The following FAM47E variants were observed in gnomAD, a reference collection of about 807,000 sequenced individuals.
FAM47E encodes the protein protein FAM47E.
In FAM47E, 32 loss-of-function variants were observed where a neutral mutation model predicts 41.6. The ratio of observed to expected loss-of-function variants is 0.77; its 90% CI spans 0.58 to 1.03. The LOEUF is 1.03. Ranked by LOEUF, FAM47E falls within the 50% of genes least tolerant of loss-of-function variation. FAM47E has a pLI of 0.00. For synonymous variants in FAM47E, 184 were observed against 188.7 expected (o/e 0.98, Z 0.20); for missense variants, 424 against 485.4 (o/e 0.87, Z 1.19).
Position 76,278,146 on chromosome 4 carries a change from A to C in FAM47E, c.948A>C (p.Arg316Ser). ...YLNPKLWKKQ[R>S]VDEPLVDPEV... ...ACCCCAAGTTGTGGAAAAAGCAAAG[A>C]GTAGACGAGCCTCTGGTTGACCCTG... Residue 316 changes from arginine to serine, a missense_variant, in exon 6 of 8, where the codon AGA becomes AGC. Transcript: ENST00000424749. The C allele has an allele frequency of 6.4e-7, 1 of 1,551,016 alleles. No individual in the cohort carries two copies. Among genetic ancestry groups the C allele is most frequent in the Non-Finnish European group, 8.7e-7 (1 of 1,146,848 alleles).
Position 76,268,917 on chromosome 4 carries a change from G to A in FAM47E, c.669+149G>A, listed in dbSNP as rs959362199. 73 of 928,522 alleles carry A rather than the reference G, an allele frequency of 7.9e-5. No homozygotes were observed. The Middle Eastern group carries it at 2.2e-3, about 28-fold the overall frequency. The allele number at this position is 928,522 out of a possible 1,614,324, so 57.5% of individuals were successfully genotyped here. A position where few individuals can be genotyped will look rare whatever the true frequency, so the allele number is the denominator to read the frequency against. On this transcript the variant is annotated intron_variant, in intron 4 of 7. Coordinates refer to ENST00000424749, the MANE Select transcript of FAM47E (RefSeq NM_001136570.3). ...AAATCTAAGTCAAATCCTCAAAGTC[G>A]TAAAGGAATCATTTTCTTCTATTAT...
intron 1 of FAM47E, chr4:76,217,482 C>T (rs193290840): frequency 1.2e-4 from 49 of 407,522 alleles, no homozygotes; most frequent in Non-Finnish European, 1.9e-4. Context: ...TGTCAGAGAG[C>T]GGGTTGTTGA....
At chr4:76,255,273 T>A (rs1248974532) in intron 1 of FAM47E, among the ~76,000 whole-genome samples, 1 of 152,220 alleles carries the variant, frequency 6.6e-6, no homozygotes, top group Non-Finnish European at 1.5e-5. Context: ...TTTTTTAACT[T>A]CTTTGTGCTC....
chr4:76,219,544 T>C (rs1301814396), intron 2 of FAM47E, among the ~76,000 whole-genome samples: 2 of 152,218 alleles, frequency 1.3e-5, no homozygotes, highest in East Asian at 3.9e-4. Context: ...ACAGTTATTC[T>C]TTAATGATGT....
intron 2 of FAM47E, chr4:76,217,756 A>G (rs1337766440): frequency 2.0e-6 from 1 of 490,200 alleles, no homozygotes; most frequent in Non-Finnish European, 3.7e-6. Flanking sequence ...GCAAGGAGAT[A>G]CGGTGATCTC....
In FAM47E at chr4:76,251,834, G is replaced by C; in HGVS notation, c.74+14G>C. ...CTGCAGGTCCAGGTAAACACTCAGC[G>C]CCCGGGCCGAGGGCGCATCCCACGC... On this transcript the variant is annotated intron_variant, in intron 1 of 7. Transcript: ENST00000424749. The C allele has an allele frequency of 7.0e-7, 1 of 1,433,460 alleles. No homozygotes were observed. Among genetic ancestry groups the C allele is most frequent in the South Asian group, 1.4e-5 (1 of 71,680 alleles). 88.8% of individuals were successfully genotyped at this position (1,433,460 alleles called of 1,614,324 possible).
At chr4:76,274,455 C>T (rs925349920) in intron 5 of FAM47E, among the ~76,000 whole-genome samples, 6 of 152,118 alleles carry the variant, frequency 3.9e-5, no homozygotes, top group African/African-American at 1.4e-4. Flanking sequence ...GTGGCATGTA[C>T]CTGTAGTCCC....
intron 6 of FAM47E, chr4:76,279,285 T>C (rs1045821980): frequency 6.6e-6 from 1 of 152,222 alleles, no homozygotes; most frequent in African/African-American, 2.4e-5. Context: ...GGTAACATCA[T>C]TTTTTCTCAA....
intron 2 of FAM47E, among the ~76,000 whole-genome samples, chr4:76,221,443 C>T (rs914511812): frequency 7.9e-5 from 12 of 152,064 alleles, no homozygotes; most frequent in South Asian, 2.1e-4. Flanking sequence ...CTCAGCCTCC[C>T]GAGTAGCTGG....
chr4:76,275,883 C>G (rs1399898561), intron 5 of FAM47E, among the ~76,000 whole-genome samples: 2 of 152,136 alleles, frequency 1.3e-5, no homozygotes, highest in South Asian at 2.1e-4. Context: ...CAATTTGCCC[C>G]CCTTCCTCCA....
chr4:76,268,798 G>A, intron 4 of FAM47E, 30 bp downstream of exon 4: 2 of 1,550,320 alleles, frequency 1.3e-6, no homozygotes, highest in Non-Finnish European at 1.7e-6. Flanking sequence ...ACTTCTGCAA[G>A]TGGGTTACTA....
In FAM47E at chr4:76,283,379, A is replaced by G. The variant is rs78752268; in HGVS notation, c.1105-2A>G. 1,134 of 1,528,710 alleles carry G rather than the reference A, an allele frequency of 7.4e-4. 9 individuals are homozygous for G. The African/African-American group carries it at 0.014, about 19-fold the overall frequency. The allele number at this position is 1,528,710 out of a possible 1,614,324, so 94.7% of individuals were successfully genotyped here. On this transcript the variant is annotated splice_acceptor_variant, in intron 7 of 7. Transcript: ENST00000424749. LOFTEE classifies it high-confidence loss of function. ...AATGAAGGTTCTCTCATTTTTTTTT[A>G]GTTCCTTGAGAATATGTATATCGGG...
exon 1 of FAM47E, chr4:76,214,043 G>A (rs1733146508): frequency 3.1e-6 from 1 of 323,236 alleles, no homozygotes; most frequent in African/African-American, 2.3e-5. Context: ...CGCTCCCAGC[G>A]CCCTGCACCG....
At chr4:76,214,406 T>C (rs1733159971) in exon 1 of FAM47E, 1 of 423,218 alleles carries the variant, frequency 2.4e-6, no homozygotes, top group African/African-American at 2.1e-5. Context: ...GGAGGAGGCA[T>C]TTCACGGAGA....
At chr4:76,269,033 A>G (rs1734768839) in intron 4 of FAM47E, 1 of 422,362 alleles carries the variant, frequency 2.4e-6, no homozygotes, top group East Asian at 3.9e-5. Context: ...ATCTCACATC[A>G]TTGCAGCTGT....
intron 1 of FAM47E, among the ~76,000 whole-genome samples, chr4:76,253,445 T>G (rs1734056387): frequency 6.6e-6 from 1 of 152,218 alleles, no homozygotes; most frequent in Admixed American, 6.5e-5. Context: ...TATCATGTAC[T>G]AGTGTCTGTG....
rs1365216418 is a variant in FAM47E, at chr4:76,256,158, A to G, written c.75-20A>G. ...GGCATGTGGTATTCTAGGTACAAAG[A>G]GAATCTATCTACCTTCCAGATGTTT... On this transcript the variant is annotated intron_variant, in intron 1 of 7. Coordinates refer to ENST00000424749, the MANE Select transcript of FAM47E (RefSeq NM_001136570.3). 6.5e-6 allele frequency: 10 copies of G among 1,544,838 alleles called. No homozygotes were observed. The highest frequency in any genetic ancestry group is 8.8e-6 in the Non-Finnish European group (10 of 1,142,518).
intron 5 of FAM47E, among the ~76,000 whole-genome samples, chr4:76,273,247 T>C (rs1406369132): frequency 3.9e-5 from 6 of 152,230 alleles, no homozygotes; most frequent in Admixed American, 3.3e-4. Flanking sequence ...TTCATCATGC[T>C]ACTGAGAATG....
chr4:76,225,918 A>T (rs1412630784), intron 2 of FAM47E, among the ~76,000 whole-genome samples: 1 of 152,154 alleles, frequency 6.6e-6, no homozygotes, highest in Non-Finnish European at 1.5e-5. Flanking sequence ...TGATTTAGGG[A>T]GGATTTCCTC....
Sources: gnomAD v4.1 joint callset for allele counts (sites outside exome capture counted in the v4.1 genomes callset) on GRCh38, gnomAD v4.1.1 for gene constraint, MANE v1.5 for transcripts, NCBI Gene and HGNC (gene_info 2026-07-23, HGNC 2026-07-21) for gene names.